ZNF519: variants seen among roughly 807,000 people sequenced by gnomAD.
ZNF519 encodes the protein similar to Zinc finger protein 85 (Zinc finger protein HPF4) (HTF1).
In ZNF519, 7 loss-of-function variants were observed where a neutral mutation model predicts 7.4. The ratio of observed to expected loss-of-function variants is 0.94; its 90% confidence interval spans 0.54 to 1.77. The LOEUF (loss-of-function observed/expected upper bound fraction) is 1.77. Among genes scored for constraint, ZNF519 ranks in the 40% most tolerant of loss-of-function variants. The pLI, the probability that ZNF519 is intolerant of heterozygous loss-of-function variation, is 0.00. For synonymous variants in ZNF519, 179 were observed against 203.3 expected (o/e 0.88, Z 1.02); for missense variants, 586 against 623.1 (o/e 0.94, Z 0.63).
intron 1 of ZNF519, among the ~76,000 whole-genome samples, chr18:14,131,302 C>T (rs1216220460): frequency 6.6e-6 from 1 of 152,146 alleles, no homozygotes; most frequent in African/African-American, 2.4e-5. Flanking sequence ...AAATTGCCAT[C>T]CACTGCTCTG....
intron 1 of ZNF519, among the ~76,000 whole-genome samples, chr18:14,127,799 C>T (rs548394327): frequency 6.6e-6 from 1 of 152,068 alleles, no homozygotes; most frequent in Admixed American, 6.6e-5. Flanking sequence ...CTAGAAGGGA[C>T]TGTAGATTCC....
chr18:14,128,769 T>C (rs950864145), intron 1 of ZNF519, among the ~76,000 whole-genome samples: 5 of 151,724 alleles, frequency 3.3e-5, no homozygotes, highest in Non-Finnish European at 5.9e-5. Context: ...TTTACATATA[T>C]TTCAAAGAAG....
intron 2 of ZNF519, among the ~76,000 whole-genome samples, chr18:14,091,847 G>T (rs937323885): frequency 6.6e-6 from 1 of 152,106 alleles, no homozygotes; most frequent in Non-Finnish European, 1.5e-5. Flanking sequence ...CTTTGCAGGT[G>T]AGGGGACAGA....
intron 2 of ZNF519, among the ~76,000 whole-genome samples, chr18:14,113,265 T>C (rs1206342855): frequency 6.6e-6 from 1 of 152,188 alleles, no homozygotes; most frequent in African/African-American, 2.4e-5. Flanking sequence ...CTGCCTCCCA[T>C]TCTATTCAGT....
intron 2 of ZNF519, among the ~76,000 whole-genome samples, chr18:14,117,946 T>C (rs2046253108): frequency 6.6e-6 from 1 of 152,172 alleles, no homozygotes; most frequent in Admixed American, 6.5e-5. Flanking sequence ...TTAGATGAGA[T>C]TTAAATGGGA....
At chr18:14,129,424 G>A (rs563902323) in intron 1 of ZNF519, among the ~76,000 whole-genome samples, 37 of 152,180 alleles carry the variant, frequency 2.4e-4, no homozygotes, top group South Asian at 2.1e-4. Context: ...AGCAGGGTCA[G>A]GGGAGGGAAT....
At chr18:14,126,312 C>T (rs1598523802) in intron 1 of ZNF519, among the ~76,000 whole-genome samples, 1 of 152,186 alleles carries the variant, frequency 6.6e-6, no homozygotes, top group Admixed American at 6.5e-5. Context: ...AGCCACTTCC[C>T]TATTTTGTAA....
chr18:14,093,668 T>C lies in ZNF519; in HGVS notation c.131-8592A>G, dbSNP rs927766913. ...GCTCCAGGGCTTCCAGGTGGCTGAA[T>C]AACATTCATGGACAGAGAAACGAAA... is the stretch of plus-strand genomic sequence containing the variant. On this transcript the variant is annotated intron_variant and NMD_transcript_variant, in intron 2 of 4. Coordinates refer to the ZNF519 transcript ENST00000587419. 3.3e-5 allele frequency among the ~76,000 whole-genome samples: 5 copies of C among 152,166 alleles called. No individual in the cohort carries two copies. In the South Asian group the frequency reaches 1.0e-3, roughly 31 times the overall value.
intron 3 of ZNF519, chr18:14,084,129 G>A (rs1303117499): frequency 6.6e-6 from 1 of 152,184 alleles, no homozygotes; most frequent in Non-Finnish European, 1.5e-5. Flanking sequence ...CAGAGTCAGA[G>A]ATTAGCAAGT....
chr18:14,120,853 C>A (rs2046266499), intron 2 of ZNF519, among the ~76,000 whole-genome samples: 1 of 152,062 alleles, frequency 6.6e-6, no homozygotes, highest in East Asian at 1.9e-4. Context: ...CCAGTAATAT[C>A]ACTTCTAGGC....
intron 2 of ZNF519, among the ~76,000 whole-genome samples, chr18:14,094,586 A>T (rs1165690900): frequency 6.6e-6 from 1 of 152,224 alleles, no homozygotes; most frequent in Non-Finnish European, 1.5e-5. Context: ...ATGTTTATCA[A>T]CTTGCATATG....
At chr18:14,078,583 G>A (rs2046057777) in intron 3 of ZNF519, among the ~76,000 whole-genome samples, 1 of 152,092 alleles carries the variant, frequency 6.6e-6, no homozygotes, top group Non-Finnish European at 1.5e-5. Context: ...CTACATAAGG[G>A]TGATATGACA....
At chr18:14,083,502 A>C (rs2046077818) in intron 3 of ZNF519, among the ~76,000 whole-genome samples, 1 of 152,238 alleles carries the variant, frequency 6.6e-6, no homozygotes, top group Admixed American at 6.5e-5. Flanking sequence ...AGGTTGATTC[A>C]ACTTTTTGAA....
intron 2 of ZNF519, among the ~76,000 whole-genome samples, chr18:14,092,790 C>T (rs2046119714): frequency 6.6e-6 from 1 of 152,182 alleles, no homozygotes; most frequent in African/African-American, 2.4e-5. Context: ...GCCCTCTTGT[C>T]AACTAGGCCT....
chr18:14,132,025 T>C (rs1402549014), intron 1 of ZNF519, among the ~76,000 whole-genome samples: 1 of 152,142 alleles, frequency 6.6e-6, no homozygotes, highest in Admixed American at 6.5e-5. Context: ...TTCCGATGAC[T>C]TTCGCCTCAT....
At chr18:14,127,956 G>A (rs1461472570) in intron 1 of ZNF519, among the ~76,000 whole-genome samples, 1 of 151,502 alleles carries the variant, frequency 6.6e-6, no homozygotes, top group African/African-American at 2.4e-5. Flanking sequence ...TGGACAGTGT[G>A]GAAAACATAA....
chr18:14,115,199 T>C (rs1465506871), intron 2 of ZNF519, among the ~76,000 whole-genome samples: 1 of 152,324 alleles, frequency 6.6e-6, no homozygotes, highest in South Asian at 2.1e-4. Flanking sequence ...CTTCTCCCAG[T>C]ACAGCATGGT....
downstream of ZNF519, chr18:14,072,501 T>C (rs1567934387): frequency 1.3e-5 from 2 of 152,184 alleles, no homozygotes; most frequent in African/African-American, 4.8e-5. Context: ...TCATATTTTT[T>C]TTGACAACAC....
chr18:14,102,322 C>G lies in ZNF519; in HGVS notation c.*2595G>C, dbSNP rs188275402. 7 of 152,216 alleles carry G rather than the reference C, an allele frequency of 4.6e-5. No homozygotes were observed. The highest frequency in any genetic ancestry group is 1.4e-4 in the African/African-American group (6 of 41,510). 9.4% of individuals were successfully genotyped at this position (152,216 alleles called of 1,614,324 possible). A position where few individuals can be genotyped will look rare whatever the true frequency, so the allele number is the denominator to read the frequency against. ...AGCTGGGATTACAGGAGCCCACCAC[C>G]ACACCCAGCTAATTTTTTGTATTTT... On this transcript the variant is annotated 3_prime_UTR_variant, in exon 3 of 3. Coordinates refer to ENST00000590202, the MANE Select transcript of ZNF519 (RefSeq NM_145287.4).
Sources: allele counts gnomAD v4.1 joint callset (sites outside exome capture counted in the v4.1 genomes callset), GRCh38; gene constraint gnomAD v4.1.1; transcripts MANE v1.5; gene names NCBI Gene and HGNC (gene_info 2026-07-23, HGNC 2026-07-21).